Variants in FAM162B observed in about 807,000 individuals in gnomAD.
FAM162B encodes the protein family with sequence similarity 162 member B.
Under a neutral mutation model 20.0 loss-of-function variants are expected in FAM162B, and 16 were observed. The ratio of observed to expected loss-of-function variants is 0.80; its 90% CI spans 0.54 to 1.21. The LOEUF (loss-of-function observed/expected upper bound fraction) is 1.21, where lower values mean the gene tolerates loss of function less well. Ranked by LOEUF, FAM162B falls within the 50% of genes most tolerant of loss-of-function variation. The pLI is 0.00. For missense variants in FAM162B, 260 were observed against 227.5 expected, an observed-to-expected ratio of 1.14 and a Z score of -0.92; for synonymous variants, 83 against 89.7, an observed-to-expected ratio of 0.93 and a Z score of 0.42.
chr6:116,765,648 C>T lies in FAM162B; in HGVS notation c.-72G>A. On this transcript the variant is annotated 5_prime_UTR_variant, in exon 1 of 4. Transcript: ENST00000368557. ...CAGGCGTTGTCCCCGCAGCTCTCCT[C>T]GTCCCGCCCCGGCCTGCCGCGCGCT... 2.4e-6 allele frequency: 3 copies of T among 1,248,128 alleles called. No homozygotes were observed. The highest frequency in any genetic ancestry group is 3.0e-6 in the Non-Finnish European group (3 of 998,052). The allele number at this position is 1,248,128 out of a possible 1,614,324, so 77.3% of individuals were successfully genotyped here. A position where few individuals can be genotyped will look rare whatever the true frequency, so the allele number is the denominator to read the frequency against.
In FAM162B at chr6:116,754,695, TTC is replaced by T. The variant is rs202042654; in HGVS notation, c.391-2002_391-2001del. ...TTGTGACTTTCTTTCTTTCTTCTTC[TTC>T]TTTTTTTGTTTTTTTCAAATTGAAG... On this transcript the variant is annotated intron_variant, in intron 3 of 3. Transcript: ENST00000368557. Among the ~76,000 whole-genome samples, 548 of 152,194 alleles carry T rather than the reference TTC, an allele frequency of 3.6e-3. 1 individual carries two copies. The highest frequency in any genetic ancestry group is 0.013 in the African/African-American group (531 of 41,522).
chr6:116,758,619 T>G (rs1222820533), intron 3 of FAM162B, among the ~76,000 whole-genome samples: 1 of 152,194 alleles, frequency 6.6e-6, no homozygotes, highest in African/African-American at 2.4e-5. Context: ...CTTCTCAGTT[T>G]TGTTCTATAT....
chr6:116,761,859 C>T, intron 3 of FAM162B, 118 bp downstream of exon 3: 1 of 620,216 alleles, frequency 1.6e-6, no homozygotes, highest in South Asian at 4.1e-5. Context: ...TCTTAAAATT[C>T]ACCCTTTGGG....
chr6:116,758,472 A>G (rs1373542854), intron 3 of FAM162B, among the ~76,000 whole-genome samples: 1 of 152,182 alleles, frequency 6.6e-6, no homozygotes, highest in Non-Finnish European at 1.5e-5. Context: ...ATTTAAGAAA[A>G]TTAGCTCTTA....
In FAM162B at chr6:116,765,665, C is replaced by G; in HGVS notation, c.-89G>C. 8.1e-7 allele frequency: 1 copy of G among 1,235,462 alleles called. No individual in the cohort carries two copies. The highest frequency in any genetic ancestry group is 3.2e-5 in the East Asian group (1 of 31,592). The allele number at this position is 1,235,462 out of a possible 1,614,324, so 76.5% of individuals were successfully genotyped here. The stretch of plus-strand genomic sequence containing the variant: ...GCTCTCCTCGTCCCGCCCCGGCCTG[C>G]CGCGCGCTGGAGAGCCTGGGACGTG... On this transcript the variant is annotated 5_prime_UTR_variant, in exon 1 of 4. Transcript: ENST00000368557.
chr6:116,761,564 T>C (rs1780141917), intron 3 of FAM162B, among the ~76,000 whole-genome samples: 1 of 150,538 alleles, frequency 6.6e-6, no homozygotes. Context: ...TAGTGTTAAT[T>C]TGTTGACTCA....
chr6:116,755,334 C>T (rs115299770), intron 3 of FAM162B, among the ~76,000 whole-genome samples: 7,432 of 152,246 alleles, frequency 0.049, 195 homozygotes, highest in African/African-American at 0.07. Flanking sequence ...ATCAAACCAG[C>T]CACAGCATTC....
chr6:116,763,760 T>C (rs1156568428), intron 2 of FAM162B, among the ~76,000 whole-genome samples: 1 of 148,154 alleles, frequency 6.7e-6, no homozygotes, highest in Non-Finnish European at 1.5e-5. Context: ...TTGAGGGTGG[T>C]GGCTTACTTA....
chr6:116,762,227 T>A (rs1053414434), intron 2 of FAM162B, 142 bp from the exon 3 acceptor site: 26 of 576,490 alleles, frequency 4.5e-5, no homozygotes, highest in Non-Finnish European at 7.8e-5. Flanking sequence ...GTGAAAGACT[T>A]TGAAATGCTA....
intron 3 of FAM162B, among the ~76,000 whole-genome samples, chr6:116,757,595 A>C (rs1468828749): frequency 1.3e-5 from 2 of 152,034 alleles, no homozygotes; most frequent in African/African-American, 4.8e-5. Flanking sequence ...AAAAATACAA[A>C]AAAATTAGCC....
In FAM162B at chr6:116,765,543, C is replaced by G. The variant is rs1268134068; in HGVS notation, c.34G>C (p.Gly12Arg). Residue 12 changes from glycine to arginine, a missense_variant, in exon 1 of 4, where the codon GGC becomes CGC. By Grantham distance (125) the Gly-to-Arg change is moderately radical. Coordinates refer to ENST00000368557, the MANE Select transcript of FAM162B (RefSeq NM_001085480.3). ...CCGCAGCGGACTGTTAGCCCGCGGC[C>G]AAGGCGCAGTAGGCTCCCGACCGCC... is the stretch of plus-strand genomic sequence containing the variant. Reference protein sequence around the residue: ...LRAVGSLLRLGRGLTVRCGPG... With the variant: ...LRAVGSLLRLRRGLTVRCGPG... 7.2e-7 allele frequency: 1 copy of G among 1,388,666 alleles called. No homozygotes were observed. Among genetic ancestry groups the G allele is most frequent in the Non-Finnish European group, 9.3e-7 (1 of 1,079,912 alleles). 86.0% of individuals were successfully genotyped at this position (1,388,666 alleles called of 1,614,324 possible). A position where few individuals can be genotyped will look rare whatever the true frequency, so the allele number is the denominator to read the frequency against.
intron 3 of FAM162B, among the ~76,000 whole-genome samples, chr6:116,753,708 T>C (rs1780020152): frequency 6.6e-6 from 1 of 152,154 alleles, no homozygotes; most frequent in Admixed American, 6.6e-5. Flanking sequence ...AGCTGAAATA[T>C]AAATTTGAGA....
chr6:116,756,543 T>C (rs1780054103), intron 3 of FAM162B, among the ~76,000 whole-genome samples: 1 of 152,208 alleles, frequency 6.6e-6, no homozygotes, highest in Non-Finnish European at 1.5e-5. Context: ...AATAAAGTAG[T>C]GGTAGGGTTT....
rs534903848 is a variant in FAM162B at position 116,755,921 on chromosome 6, T to C, written c.391-3226A>G. On this transcript the variant is annotated intron_variant, in intron 3 of 3. Coordinates refer to ENST00000368557, the MANE Select transcript of FAM162B (RefSeq NM_001085480.3). ...ACTTACTTCTCAGAAAAAAAAAGAT[T>C]CCTTTCAAAATATTACTTCTCAGTG... is the stretch of plus-strand genomic sequence containing the variant. 2.6e-3 allele frequency among the ~76,000 whole-genome samples: 402 copies of C among 152,264 alleles called. 3 individuals are homozygous for C. The highest frequency in any genetic ancestry group is 8.8e-3 in the African/African-American group (367 of 41,542).
chr6:116,764,332 G>A (rs1233749248), intron 2 of FAM162B, among the ~76,000 whole-genome samples: 1 of 152,114 alleles, frequency 6.6e-6, no homozygotes, highest in Non-Finnish European at 1.5e-5. Context: ...AAAAGTAGTA[G>A]ATTGATTTTA....
At chr6:116,757,590 T>A (rs1420887639) in intron 3 of FAM162B, among the ~76,000 whole-genome samples, 1 of 151,544 alleles carries the variant, frequency 6.6e-6, no homozygotes, top group Non-Finnish European at 1.5e-5. Context: ...CTACAAAAAA[T>A]ACAAAAAAAT....
chr6:116,761,950 GA>G (rs1228640553), intron 3 of FAM162B, 26 bp downstream of exon 3: 3 of 1,535,908 alleles, frequency 2.0e-6, no homozygotes, highest in South Asian at 2.4e-5. Flanking sequence ...CCTTTTAACT[GA>G]CTTGCCCTTT....
chr6:116,764,044 A>G (rs1039284435), intron 2 of FAM162B, among the ~76,000 whole-genome samples: 2 of 152,208 alleles, frequency 1.3e-5, no homozygotes, highest in African/African-American at 4.8e-5. Flanking sequence ...TTGCTCCAAT[A>G]AAAGAACGAA....
intron 3 of FAM162B, 109 bp from the exon 4 acceptor site, chr6:116,752,804 A>C (rs1010382952): frequency 7.4e-6 from 2 of 268,962 alleles, no homozygotes; most frequent in Non-Finnish European, 1.2e-5. Flanking sequence ...AAACTGGAAA[A>C]ATTTGTATTT....
Sources: allele counts gnomAD v4.1 joint callset (sites outside exome capture counted in the v4.1 genomes callset), GRCh38; gene constraint gnomAD v4.1.1; transcripts MANE v1.5; gene names NCBI Gene and HGNC (gene_info 2026-07-23, HGNC 2026-07-21).